The following PHIP variants were observed in gnomAD, a reference collection of about 807,000 sequenced individuals.
PHIP encodes PH-interacting protein.
Under a neutral mutation model 236.8 loss-of-function variants are expected in PHIP, and 54 were observed. That is an observed-to-expected ratio of 0.23 (90% CI 0.18 to 0.29). The LOEUF is 0.29. PHIP is among the 10% of genes least tolerant of loss of function. PHIP has a pLI of 1.00. For missense variants in PHIP, 1,370 were observed against 2,190.8 expected, an observed-to-expected ratio of 0.63 and a Z score of 7.48; for synonymous variants, 756 against 718.9, an observed-to-expected ratio of 1.05 and a Z score of -0.83.
intron 6 of PHIP, among the ~76,000 whole-genome samples, chr6:79,044,994 G>C (rs972711695): frequency 1.3e-5 from 2 of 152,062 alleles, no homozygotes; most frequent in Admixed American, 6.6e-5. Context: ...TTACTTTACA[G>C]TCAAATTTTC....
At chr6:79,039,398 T>A (rs1772098767) in intron 7 of PHIP, among the ~76,000 whole-genome samples, 1 of 152,160 alleles carries the variant, frequency 6.6e-6, no homozygotes, top group Non-Finnish European at 1.5e-5. Flanking sequence ...AGCTGTTACT[T>A]CTCTAGTAAA....
chr6:79,060,412 A>C (rs981723514), intron 6 of PHIP, 66 bp downstream of exon 6: 18 of 1,087,188 alleles, frequency 1.7e-5, no homozygotes, highest in Non-Finnish European at 2.3e-5. Flanking sequence ...TAACTAAAAA[A>C]CCTTTTCATT....
Position 78,937,657 on chromosome 6 carries a change from C to T in PHIP, c.*3036G>A, listed in dbSNP as rs1773325537. ...TCTTTAAATTTGTAGTGAAGTTGTG[C>T]AATAAAAACAATTGAAATAAGGCCA... On this transcript the variant is annotated 3_prime_UTR_variant, in exon 40 of 40. Coordinates refer to ENST00000275034, the MANE Select transcript of PHIP (RefSeq NM_017934.7). 6.7e-6 allele frequency: 1 copy of T among 148,478 alleles called. No individual in the cohort carries two copies. Among genetic ancestry groups the T allele is most frequent in the South Asian group, 2.2e-4 (1 of 4,468 alleles). The allele number at this position is 148,478 out of a possible 1,614,324, so 9.2% of individuals were successfully genotyped here.
intron 18 of PHIP, among the ~76,000 whole-genome samples, chr6:78,998,020 C>CA (rs1306996225): frequency 6.6e-6 from 1 of 152,090 alleles, no homozygotes; most frequent in African/African-American, 2.4e-5. Context: ...TACATGTTTA[C>CA]TATAGAAAAT....
chr6:78,959,362 T>C (rs1766620344), intron 31 of PHIP, among the ~76,000 whole-genome samples: 1 of 152,056 alleles, frequency 6.6e-6, no homozygotes, highest in South Asian at 2.1e-4. Context: ...AAAGAAAAAC[T>C]GTGCATTTCA....
chr6:79,007,763 A>G (rs918986598), intron 15 of PHIP, among the ~76,000 whole-genome samples: 1 of 151,610 alleles, frequency 6.6e-6, no homozygotes, highest in Non-Finnish European at 1.5e-5. Flanking sequence ...AAATACCCTA[A>G]AATAATCTTA....
Position 78,951,580 on chromosome 6 carries a change from A to C in PHIP, c.4053+3234T>G, listed in dbSNP as rs181702145. On this transcript the variant is annotated intron_variant, in intron 35 of 39. Transcript: ENST00000275034. Reference sequence around the variant, plus strand: ...TGTGACAGTAATTAACAAAACAACAAACCTCCATCATGGAGTACTGCAAGA... The same window carrying C: ...TGTGACAGTAATTAACAAAACAACACACCTCCATCATGGAGTACTGCAAGA... 6.4e-4 allele frequency among the ~76,000 whole-genome samples: 97 copies of C among 152,326 alleles called. 1 individual carries two copies. In the South Asian group the frequency reaches 8.1e-3, roughly 13 times the overall value.
Position 78,935,714 on chromosome 6 carries a change from G to A in PHIP, c.*4979C>T, listed in dbSNP as rs1436070419. ...GTTTTCACACTTTGCAAAACACACA[G>A]GGCACTGGAAACTCTAATGAACCAG... On this transcript the variant is annotated 3_prime_UTR_variant, in exon 40 of 40. Transcript: ENST00000275034. The A allele has an allele frequency of 1.9e-5, 19 of 985,058 alleles. No homozygotes were observed. Among genetic ancestry groups the A allele is most frequent in the Non-Finnish European group, 2.0e-5 (17 of 829,716 alleles). The allele number at this position is 985,058 out of a possible 1,614,324, so 61.0% of individuals were successfully genotyped here. A position where few individuals can be genotyped will look rare whatever the true frequency, so the allele number is the denominator to read the frequency against.
At chr6:78,968,712 T>C (rs904114223) in intron 27 of PHIP, among the ~76,000 whole-genome samples, 7 of 147,680 alleles carry the variant, frequency 4.7e-5, no homozygotes, top group Non-Finnish European at 9.0e-5. Flanking sequence ...TCCTTCCTTA[T>C]ATAATTTTGT....
chr6:78,954,752 C>T, intron 35 of PHIP, 62 bp downstream of exon 35: 2 of 992,128 alleles, frequency 2.0e-6, no homozygotes, highest in South Asian at 1.7e-5. Flanking sequence ...AAATAGCCAA[C>T]TGTCATGTAA....
rs371265192 is a variant in PHIP, at chr6:78,966,773, TG to T, written c.3206-718del. Among the ~76,000 whole-genome samples, 5 of 152,360 alleles carry T rather than the reference TG, an allele frequency of 3.3e-5. 1 individual carries two copies. Among genetic ancestry groups the T allele is most frequent in the African/African-American group, 1.2e-4 (5 of 41,596 alleles). On this transcript the variant is annotated intron_variant, in intron 27 of 39. Coordinates refer to ENST00000275034, the MANE Select transcript of PHIP (RefSeq NM_017934.7). ...TGTTCCTTCTGTGTCATAAGAAAACTGTAAGTCACTTACTTCCTTTATGCAA... is the reference window on the plus strand; with the variant it reads ...TGTTCCTTCTGTGTCATAAGAAAACTTAAGTCACTTACTTCCTTTATGCAA...
chr6:78,948,684 G>A (rs899517884), intron 35 of PHIP, among the ~76,000 whole-genome samples: 2 of 151,962 alleles, frequency 1.3e-5, no homozygotes, highest in African/African-American at 2.4e-5. Context: ...TTGTAGAGAC[G>A]GGTCTTAGCA....
Position 79,078,123 on chromosome 6 carries a change from G to A in PHIP, c.-55C>T, listed in dbSNP as rs1774287479. ...GGACACCCCGCCGCCGAGGGGAAGC[G>A]GGGACGGTGCCGCCGCCTGCCCTAT... On this transcript the variant is annotated 5_prime_UTR_variant, in exon 1 of 40. Transcript: ENST00000275034. The A allele has an allele frequency of 5.0e-6, 8 of 1,584,930 alleles. No homozygotes were observed.
At chr6:79,060,954 A>T (rs922956844) in intron 4 of PHIP, 136 bp from the exon 5 acceptor site, 2 of 547,188 alleles carry the variant, frequency 3.7e-6, no homozygotes, top group Non-Finnish European at 3.1e-6. Flanking sequence ...AATCTCCAGA[A>T]TAATTAAGAA....
At position 78,971,016 on chromosome 6, in the gene PHIP, CCCT is replaced by C. The variant is rs1439670778; in HGVS notation, c.2890-131_2890-129del. ...GCTAATAGAAATTCTAATATTTTCT[CCCT>C]CCTCCTTTCTCTCAAGTTGTCTTAA... is the stretch of plus-strand genomic sequence containing the variant. On this transcript the variant is annotated intron_variant, in intron 24 of 39. Coordinates refer to ENST00000275034, the MANE Select transcript of PHIP (RefSeq NM_017934.7). The C allele has an allele frequency of 2.7e-5, 17 of 632,276 alleles. No individual in the cohort carries two copies. In the African/African-American group the frequency reaches 3.2e-4, roughly 12 times the overall value. The allele number at this position is 632,276 out of a possible 1,614,324, so 39.2% of individuals were successfully genotyped here.
At chr6:79,012,864 T>C (rs1389049924) in intron 15 of PHIP, among the ~76,000 whole-genome samples, 1 of 151,550 alleles carries the variant, frequency 6.6e-6, no homozygotes, top group Admixed American at 6.6e-5. Context: ...AGATAACTCA[T>C]AAAAGACAGA....
intron 24 of PHIP, among the ~76,000 whole-genome samples, chr6:78,971,892 C>T (rs940064863): frequency 1.3e-5 from 2 of 152,180 alleles, no homozygotes; most frequent in South Asian, 2.1e-4. Flanking sequence ...CACGGAGTCT[C>T]GCTGATTGCT....
At chr6:79,019,830 ATAC>A (rs1266027169) in intron 9 of PHIP, among the ~76,000 whole-genome samples, 1 of 152,122 alleles carries the variant, frequency 6.6e-6, no homozygotes, top group Non-Finnish European at 1.5e-5. Flanking sequence ...TTTTATATCA[ATAC>A]TACTGATATT....
In PHIP at chr6:79,002,637, G is replaced by A. The variant is rs115529425; in HGVS notation, c.1654-513C>T. 7.1e-3 allele frequency among the ~76,000 whole-genome samples: 1,084 copies of A among 152,188 alleles called. 16 individuals are homozygous for A. The highest frequency in any genetic ancestry group is 0.025 in the African/African-American group (1,018 of 41,534). ...GGGTTTGGTACTTTCCAAGGTTTTA[G>A]ACATCCATTTGGAGTCATGGAACAT... On this transcript the variant is annotated intron_variant, in intron 16 of 39. Transcript: ENST00000275034.
Sources: gnomAD v4.1 joint callset for allele counts (sites outside exome capture counted in the v4.1 genomes callset) on GRCh38, gnomAD v4.1.1 for gene constraint, MANE v1.5 for transcripts, NCBI Gene and HGNC (gene_info 2026-07-23, HGNC 2026-07-21) for gene names.